The following MICOS10 variants were observed in gnomAD, a reference collection of about 807,000 sequenced individuals.
The protein encoded by MICOS10 is mitochondrial contact site and cristae organizing system subunit 10.
In MICOS10, 5 loss-of-function variants were observed where a neutral mutation model predicts 13.4. The ratio of observed to expected loss-of-function variants is 0.37; its 90% CI spans 0.20 to 0.78. MICOS10 has a LOEUF of 0.78. Among genes scored for constraint, MICOS10 ranks in the 30% least tolerant of loss-of-function variants. The probability of loss-of-function intolerance (pLI) is 0.47; values close to 1 mark genes in which losing one functional copy is unlikely to be tolerated. For synonymous variants in MICOS10, 35 were observed against 33.6 expected, an observed-to-expected ratio of 1.04 and a Z score of -0.15; for missense variants, 101 against 94.6, an observed-to-expected ratio of 1.07 and a Z score of -0.28.
intron 1 of MICOS10, among the ~76,000 whole-genome samples, chr1:19,597,628 G>A (rs189530933): frequency 1.3e-5 from 2 of 152,186 alleles, no homozygotes; most frequent in African/African-American, 4.8e-5. Context: ...AGAGTAGTCT[G>A]GGGCCTGAAC....
intron 1 of MICOS10, among the ~76,000 whole-genome samples, chr1:19,604,438 G>A (rs886951994): frequency 6.6e-6 from 1 of 152,182 alleles, no homozygotes; most frequent in Admixed American, 6.5e-5. Context: ...GAACCCGGGA[G>A]TAGCAAGTTG....
intron 3 of MICOS10, chr1:19,625,513 C>T (rs2094918826): frequency 8.5e-6 from 11 of 1,289,430 alleles, no homozygotes; most frequent in South Asian, 1.2e-5. Flanking sequence ...CAAGAAGAGG[C>T]GCAGCTGTGT....
At chr1:19,623,799 A>T in intron 3 of MICOS10, 1 of 447,142 alleles carries the variant, frequency 2.2e-6, no homozygotes, top group Non-Finnish European at 4.0e-6. Context: ...GTTCAGATAT[A>T]TACTCATGTG....
At chr1:19,609,571 T>G (rs920769148) in intron 1 of MICOS10, among the ~76,000 whole-genome samples, 1 of 152,210 alleles carries the variant, frequency 6.6e-6, no homozygotes, top group Admixed American at 6.5e-5. Context: ...GTTAAAAAAC[T>G]GGAAACAACT....
chr1:19,612,732 T>G (rs1218452667), intron 1 of MICOS10, among the ~76,000 whole-genome samples: 1 of 152,114 alleles, frequency 6.6e-6, no homozygotes, highest in Non-Finnish European at 1.5e-5. Context: ...TCATGTCAGC[T>G]GGGTGGTGCT....
At chr1:19,622,022 C>T in intron 1 of MICOS10, 78 bp from the exon 2 acceptor site, 1 of 1,056,916 alleles carries the variant, frequency 9.5e-7, no homozygotes, top group Non-Finnish European at 1.4e-6. Flanking sequence ...TAATGATGTT[C>T]ACATTTAAGA....
intron 1 of MICOS10, among the ~76,000 whole-genome samples, chr1:19,597,618 A>G (rs1415140842): frequency 6.6e-6 from 1 of 152,222 alleles, no homozygotes; most frequent in African/African-American, 2.4e-5. Flanking sequence ...TATTTGAATC[A>G]GAGTAGTCTG....
chr1:19,608,500 T>G (rs1033701917), intron 1 of MICOS10: 6 of 1,156,448 alleles, frequency 5.2e-6, no homozygotes, highest in Non-Finnish European at 7.8e-6. Context: ...TCGGGAGGAT[T>G]GAGGACGTCA....
At chr1:19,600,325 G>C (rs1413305184) in intron 1 of MICOS10, among the ~76,000 whole-genome samples, 1 of 148,786 alleles carries the variant, frequency 6.7e-6, no homozygotes, top group African/African-American at 2.5e-5. Flanking sequence ...GGGCGGAAGA[G>C]AGAAGAAGTA....
rs550007223 is a variant in MICOS10 at position 19,626,504 on chromosome 1, T to A, written c.*103T>A. On this transcript the variant is annotated 3_prime_UTR_variant, in exon 4 of 4. Transcript: ENST00000322753. ...AAGCTGCCATTCTTCTGTAACAATG[T>A]TATCAGTAATGCTTTAAACTCCAGC... The A allele has an allele frequency of 7.9e-7, 1 of 1,260,840 alleles. No individual in the cohort carries two copies. Among genetic ancestry groups the A allele is most frequent in the Non-Finnish European group, 1.1e-6 (1 of 872,336 alleles). 78.1% of individuals were successfully genotyped at this position (1,260,840 alleles called of 1,614,324 possible).
chr1:19,608,994 C>CTTTTTTTTTTTTTTTT (rs5772856), intron 1 of MICOS10, among the ~76,000 whole-genome samples: 1 of 60,598 alleles, frequency 1.7e-5, no homozygotes, highest in African/African-American at 7.6e-5. Flanking sequence ...CTTTTCCCAG[C>CTTTTTTTTTTTTTTTT]TTTTTTTTTT....
chr1:19,616,389 G>C (rs2094884655), intron 1 of MICOS10, among the ~76,000 whole-genome samples: 1 of 152,144 alleles, frequency 6.6e-6, no homozygotes, highest in South Asian at 2.1e-4. Context: ...GGAGATGTTA[G>C]GGAAAAGGAG....
chr1:19,605,468 G>T (rs754281660), intron 1 of MICOS10, among the ~76,000 whole-genome samples: 7 of 152,022 alleles, frequency 4.6e-5, no homozygotes, highest in Non-Finnish European at 7.4e-5. Flanking sequence ...TGTCTCTGTG[G>T]AGTCTCCTAT....
intron 1 of MICOS10, chr1:19,608,086 G>T: frequency 1.2e-6 from 1 of 863,462 alleles, no homozygotes; most frequent in African/African-American, 1.6e-5. Context: ...GAGCTTTCCC[G>T]TGTGGAGTCT....
chr1:19,607,103 C>T (rs1387897169), intron 1 of MICOS10, among the ~76,000 whole-genome samples: 1 of 152,178 alleles, frequency 6.6e-6, no homozygotes, highest in Non-Finnish European at 1.5e-5. Context: ...ACTTCAAATG[C>T]TTTTGGTTGT....
At chr1:19,620,967 C>T (rs1044649827) in intron 1 of MICOS10, among the ~76,000 whole-genome samples, 2 of 152,200 alleles carry the variant, frequency 1.3e-5, no homozygotes, top group Non-Finnish European at 2.9e-5. Context: ...AGAGCAAAAG[C>T]TCTGATTGTA....
At chr1:19,625,300 C>A in intron 3 of MICOS10, 3 of 1,186,968 alleles carry the variant, frequency 2.5e-6, no homozygotes, top group Non-Finnish European at 2.2e-6. Context: ...GGTACAAATG[C>A]ATGTCCTAAT....
At chr1:19,624,534 C>T (rs1432268954) in intron 3 of MICOS10, among the ~76,000 whole-genome samples, 2 of 152,124 alleles carry the variant, frequency 1.3e-5, no homozygotes, top group South Asian at 2.1e-4. Context: ...GTGATCCACC[C>T]GTCTCGGCCT....
intron 1 of MICOS10, chr1:19,608,469 T>TTGCC (rs1488516767): frequency 7.9e-7 from 1 of 1,261,024 alleles, no homozygotes; most frequent in African/African-American, 1.5e-5. Context: ...CTCAGAGCCC[T>TTGCC]TGCCTGCTCG....
Sources: allele counts gnomAD v4.1 joint callset (sites outside exome capture counted in the v4.1 genomes callset), GRCh38; gene constraint gnomAD v4.1.1; transcripts MANE v1.5; gene names NCBI Gene and HGNC (gene_info 2026-07-23, HGNC 2026-07-21).